AKAP19: variants seen among roughly 807,000 people sequenced by gnomAD.
The protein encoded by AKAP19 is small A-kinase anchoring protein.
chr2:190,044,378 G>A, the AKAP19 span, among the ~76,000 whole-genome samples: 1 of 152,174 alleles, frequency 6.6e-6, no homozygotes, highest in Admixed American at 6.5e-5. Flanking sequence ...GGAGTTTACT[G>A]CCTGGTGATG....
the AKAP19 span, among the ~76,000 whole-genome samples, chr2:190,004,238 C>T: frequency 6.6e-6 from 1 of 151,904 alleles, no homozygotes; most frequent in African/African-American, 2.4e-5. Context: ...CTAACCTGCA[C>T]ATTGTGCACA....
At chr2:190,118,922 C>A in the AKAP19 span, among the ~76,000 whole-genome samples, 2 of 152,174 alleles carry the variant, frequency 1.3e-5, no homozygotes, top group Non-Finnish European at 2.9e-5. Flanking sequence ...AAGAGGAAGT[C>A]AAATTGTCCC....
At chr2:190,107,997 A>G in the AKAP19 span, among the ~76,000 whole-genome samples, 1 of 152,182 alleles carries the variant, frequency 6.6e-6, no homozygotes, top group African/African-American at 2.4e-5. Context: ...AATCCAGTAC[A>G]TTTGCCATGC....
chr2:190,102,735 C>G, the AKAP19 span, among the ~76,000 whole-genome samples: 12 of 152,078 alleles, frequency 7.9e-5, no homozygotes, highest in Admixed American at 6.6e-4. Context: ...CCAGAGCAGA[C>G]AGATTCACGG....
At chr2:189,948,626 C>T in the AKAP19 span, among the ~76,000 whole-genome samples, 2 of 152,104 alleles carry the variant, frequency 1.3e-5, no homozygotes, top group Non-Finnish European at 2.9e-5. Context: ...AAACTTATAG[C>T]GCCACTTTAT....
the AKAP19 span, among the ~76,000 whole-genome samples, chr2:190,182,138 G>C: frequency 6.6e-6 from 1 of 152,168 alleles, no homozygotes; most frequent in South Asian, 2.1e-4. Context: ...GCCACATTTT[G>C]ATTGAACACT....
At chr2:190,193,902 C>A in the AKAP19 span, among the ~76,000 whole-genome samples, 1 of 152,012 alleles carries the variant, frequency 6.6e-6, no homozygotes, top group East Asian at 1.9e-4. Context: ...AACTTTTCTT[C>A]TTTTCTATTA....
At chr2:189,933,110 C>T in the AKAP19 span, among the ~76,000 whole-genome samples, 1 of 152,150 alleles carries the variant, frequency 6.6e-6, no homozygotes, top group South Asian at 2.1e-4. Context: ...TGAGAAAAAA[C>T]TTATATAATC....
chr2:190,099,269 G>A, the AKAP19 span, among the ~76,000 whole-genome samples: 1 of 152,132 alleles, frequency 6.6e-6, no homozygotes, highest in African/African-American at 2.4e-5. Flanking sequence ...GATTTAAAGT[G>A]AGTCACATGT....
the AKAP19 span, among the ~76,000 whole-genome samples, chr2:190,168,524 C>T: frequency 6.6e-6 from 1 of 151,804 alleles, no homozygotes; most frequent in Non-Finnish European, 1.5e-5. Context: ...ATGGAATTCT[C>T]TTTTCTATCG....
chr2:190,173,917 C>T, the AKAP19 span, among the ~76,000 whole-genome samples: 1 of 152,100 alleles, frequency 6.6e-6, no homozygotes, highest in Non-Finnish European at 1.5e-5. Context: ...CGTCTTCTTG[C>T]CCCTAGTTTC....
At chr2:190,054,562 G>C in the AKAP19 span, among the ~76,000 whole-genome samples, 1 of 152,262 alleles carries the variant, frequency 6.6e-6, no homozygotes, top group East Asian at 1.9e-4. Context: ...TACAGAATGG[G>C]AGAAAATTTT....
chr2:189,975,537 G>A, the AKAP19 span, among the ~76,000 whole-genome samples: 1 of 152,164 alleles, frequency 6.6e-6, no homozygotes, highest in Admixed American at 6.5e-5. Flanking sequence ...TGCCTTACTA[G>A]GTTGGGGAAG....
chr2:189,978,184 C>T, the AKAP19 span, among the ~76,000 whole-genome samples: 23 of 152,136 alleles, frequency 1.5e-4, no homozygotes, highest in African/African-American at 5.6e-4. Flanking sequence ...CTAGTGAACC[C>T]ATCATCCAAA....
the AKAP19 span, among the ~76,000 whole-genome samples, chr2:190,038,901 T>TTGTTC: frequency 2.2e-5 from 1 of 46,002 alleles, no homozygotes; most frequent in Non-Finnish European, 4.6e-5. Flanking sequence ...TCTTTCTTTC[T>TTGTTC]TTCTTCTTCT....
chr2:189,903,769 GT>G, the AKAP19 span, among the ~76,000 whole-genome samples: 1 of 151,842 alleles, frequency 6.6e-6, no homozygotes, highest in African/African-American at 2.4e-5. Context: ...CCAATAAGTA[GT>G]TTTCCAACCC....
At chr2:189,959,343 A>G in the AKAP19 span, among the ~76,000 whole-genome samples, 27 of 152,286 alleles carry the variant, frequency 1.8e-4, 1 homozygote, top group South Asian at 5.2e-3. Context: ...ACCAACTGCT[A>G]TTTCAGAAAG....
At chr2:190,201,831 T>C in the AKAP19 span, 1 of 166,976 alleles carries the variant, frequency 6.0e-6, no homozygotes, top group East Asian at 1.9e-4. Flanking sequence ...GGGCAGAAAG[T>C]TTCCCATAAG....
At chr2:190,133,632 C>A in the AKAP19 span, among the ~76,000 whole-genome samples, 72 of 152,154 alleles carry the variant, frequency 4.7e-4, no homozygotes, top group Non-Finnish European at 7.1e-4. Flanking sequence ...AAGTGTTCAT[C>A]AACAGATGAA....
Sources: allele counts gnomAD v4.1 joint callset (sites outside exome capture counted in the v4.1 genomes callset), GRCh38; gene constraint gnomAD v4.1.1; transcripts MANE v1.5; gene names NCBI Gene and HGNC (gene_info 2026-07-23, HGNC 2026-07-21).